The following MTUS2 variants were observed in gnomAD, a reference collection of about 807,000 sequenced individuals.
MTUS2 encodes the protein microtubule-associated tumor suppressor candidate 2.
A neutral mutation model predicts 114.1 loss-of-function variants in MTUS2; 40 were observed. The ratio of observed to expected loss-of-function variants is 0.35; its 90% confidence interval spans 0.27 to 0.46. MTUS2 has a LOEUF of 0.46. Among genes scored for constraint, MTUS2 ranks in the 20% least tolerant of loss-of-function variants. MTUS2 has a pLI of 1.00. For missense variants in MTUS2, 1,679 were observed against 1,705.4 expected (o/e 0.98, Z 0.27); for synonymous variants, 688 against 672.0 (o/e 1.02, Z -0.37).
intron 8 of MTUS2, among the ~76,000 whole-genome samples, chr13:29,393,405 C>T (rs548749418): frequency 1.2e-4 from 19 of 152,176 alleles, no homozygotes; most frequent in Non-Finnish European, 8.8e-5. Context: ...TTTACTTTAG[C>T]GTCCTCTCCC....
At position 29,025,518 on chromosome 13, in the gene MTUS2, A is replaced by T. The variant is rs762326415; in HGVS notation, c.820A>T (p.Thr274Ser). 6.2e-7 allele frequency: 1 copy of T among 1,613,746 alleles called. No homozygotes were observed. Among genetic ancestry groups the T allele is most frequent in the South Asian group, 1.1e-5 (1 of 90,986 alleles). The change falls in exon 3 of 16, where the codon ACA becomes TCA. Residue 274 changes from threonine to serine, a missense_variant. Physicochemically the swap from Thr to Ser is moderately conservative, Grantham distance 58. This residue lies in a region of MTUS2 where 843 missense variants were observed against 770.8 expected (regional missense o/e 1.09). Coordinates refer to ENST00000612955, the MANE Select transcript of MTUS2 (RefSeq NM_001033602.4). ...AHVLQVCSEH[T>S]SHSAHPEPAL... ...TGTACTGCAGGTGTGCAGTGAGCAC[A>T]CATCACATTCCGCCCATCCAGAGCC...
At chr13:29,461,398 A>G (rs1879481447) in intron 9 of MTUS2, among the ~76,000 whole-genome samples, 1 of 152,244 alleles carries the variant, frequency 6.6e-6, no homozygotes, top group African/African-American at 2.4e-5. Flanking sequence ...CATTCAAGCC[A>G]TAGTAGGGGG....
chr13:29,263,734 C>T (rs1897562442), intron 5 of MTUS2, among the ~76,000 whole-genome samples: 1 of 152,124 alleles, frequency 6.6e-6, no homozygotes, highest in African/African-American at 2.4e-5. Flanking sequence ...TGAGAACTCA[C>T]TCACTCATCA....
intron 5 of MTUS2, among the ~76,000 whole-genome samples, chr13:29,200,502 T>C (rs560160277): frequency 2.0e-5 from 3 of 148,792 alleles, no homozygotes; most frequent in Middle Eastern, 3.4e-3. Flanking sequence ...TGTGTGGTTT[T>C]GAGTGAGTTT....
At chr13:29,199,261 T>C (rs1450692180) in intron 5 of MTUS2, among the ~76,000 whole-genome samples, 2 of 152,240 alleles carry the variant, frequency 1.3e-5, no homozygotes, top group Non-Finnish European at 2.9e-5. Flanking sequence ...GATCTTTGTC[T>C]TGTGCTGGTT....
At chr13:29,031,215 T>A (rs1386355868) in intron 3 of MTUS2, among the ~76,000 whole-genome samples, 1 of 122,214 alleles carries the variant, frequency 8.2e-6, no homozygotes, top group Non-Finnish European at 1.7e-5. Flanking sequence ...GATTGGGGTT[T>A]GCCAGACAAA....
intron 8 of MTUS2, among the ~76,000 whole-genome samples, chr13:29,381,657 A>G (rs1424767498): frequency 6.6e-6 from 1 of 152,210 alleles, no homozygotes; most frequent in Admixed American, 6.5e-5. Flanking sequence ...AGGTCATTCC[A>G]ACATCAAAGC....
At chr13:29,000,554 C>T (rs1885338790) in intron 2 of MTUS2, among the ~76,000 whole-genome samples, 1 of 152,050 alleles carries the variant, frequency 6.6e-6, no homozygotes, top group African/African-American at 2.4e-5. Context: ...TTGGTAGAAA[C>T]AGGGCTTCGC....
intron 5 of MTUS2, among the ~76,000 whole-genome samples, chr13:29,199,261 T>G (rs1450692180): frequency 6.6e-6 from 1 of 152,240 alleles, no homozygotes; most frequent in African/African-American, 2.4e-5. Flanking sequence ...GATCTTTGTC[T>G]TGTGCTGGTT....
chr13:29,044,025 G>C (rs1027303602), intron 4 of MTUS2, among the ~76,000 whole-genome samples: 1 of 151,936 alleles, frequency 6.6e-6, no homozygotes, highest in African/African-American at 2.4e-5. Flanking sequence ...AAAGTCTTTT[G>C]AGTTACTCAT....
At chr13:29,002,711 A>C (rs900944186) in intron 2 of MTUS2, among the ~76,000 whole-genome samples, 3 of 152,212 alleles carry the variant, frequency 2.0e-5, no homozygotes, top group Non-Finnish European at 4.4e-5. Context: ...CCAATGTTCA[A>C]AATGATCACC....
rs2987346 is a variant in MTUS2, at chr13:29,026,278, A to G, written c.1580A>G (p.Asp527Gly). ...ATTGAAAGCACCTCAGCAAGAGCAG[A>G]TTCAGTTCTCAATATTCCAGCACCC... ...DKIESTSARA[D>G]SVLNIPAPLH... The change falls in exon 3 of 16, where the codon GAT (aspartate) becomes GGT (glycine). Residue 527 changes from aspartate (D) to glycine (G), a missense_variant. Asp to Gly is a moderately conservative substitution (Grantham distance 94). Transcript: ENST00000612955. 55,469 of 1,613,792 alleles carry G rather than the reference A, an allele frequency of 0.034. 3,412 individuals are homozygous for G. Among genetic ancestry groups the G allele is most frequent in the African/African-American group, 0.27 (20,114 of 74,912 alleles).
chr13:28,901,297 C>A (rs2137960359), intron 2 of MTUS2, among the ~76,000 whole-genome samples: 1 of 152,240 alleles, frequency 6.6e-6, no homozygotes, highest in East Asian at 1.9e-4. Context: ...CAAAGATTTT[C>A]TCCCAATGCG....
At chr13:28,961,586 AT>A (rs1883330674) in intron 2 of MTUS2, among the ~76,000 whole-genome samples, 1 of 152,178 alleles carries the variant, frequency 6.6e-6, no homozygotes, top group Non-Finnish European at 1.5e-5. Flanking sequence ...TGAAAATAAA[AT>A]TTAATTATTG....
chr13:28,939,813 G>A (rs887904955), intron 2 of MTUS2, among the ~76,000 whole-genome samples: 1 of 152,160 alleles, frequency 6.6e-6, no homozygotes, highest in Non-Finnish European at 1.5e-5. Flanking sequence ...CCCAACGCTG[G>A]GTAATATATA....
At chr13:29,132,044 TG>T (rs996929971) in intron 5 of MTUS2, among the ~76,000 whole-genome samples, 3 of 152,214 alleles carry the variant, frequency 2.0e-5, no homozygotes, top group Admixed American at 2.0e-4. Context: ...ATGACACTGC[TG>T]GGAAGTAGTA....
intron 4 of MTUS2, among the ~76,000 whole-genome samples, chr13:29,041,840 A>C (rs1183043608): frequency 6.6e-6 from 1 of 152,098 alleles, no homozygotes. Flanking sequence ...TGCTGAATTC[A>C]TTTATCAGTT....
intron 8 of MTUS2, among the ~76,000 whole-genome samples, chr13:29,431,119 C>G (rs910168205): frequency 1.3e-5 from 2 of 152,104 alleles, no homozygotes; most frequent in African/African-American, 4.8e-5. Context: ...ATTAAAGATA[C>G]TTTTAAAGTA....
intron 8 of MTUS2, among the ~76,000 whole-genome samples, chr13:29,437,471 A>G (rs1355480543): frequency 2.6e-5 from 4 of 152,162 alleles, no homozygotes; most frequent in Non-Finnish European, 1.5e-5. Context: ...AAAATACCAA[A>G]TTTGCTTAAC....
Sources: gnomAD v4.1 joint callset for allele counts (sites outside exome capture counted in the v4.1 genomes callset) on GRCh38, gnomAD v4.1.1 for gene constraint, gnomAD v4.1.1 regional missense constraint, MANE v1.5 for transcripts, NCBI Gene and HGNC (gene_info 2026-07-23, HGNC 2026-07-21) for gene names.